Variants in ODF2 observed in about 807,000 individuals in gnomAD.
The protein encoded by ODF2 is outer dense fiber protein 2.
ODF2 carries 47 observed loss-of-function variants against 110.2 expected under a neutral mutation model. That is an observed-to-expected ratio of 0.43 (90% CI 0.34 to 0.54). ODF2 has a LOEUF of 0.54. Ranked by LOEUF, ODF2 falls within the 20% of genes least tolerant of loss-of-function variation. The probability of loss-of-function intolerance (pLI) is 0.03; values close to 1 mark genes in which losing one functional copy is unlikely to be tolerated. For missense variants in ODF2, 812 were observed against 1,054.5 expected (o/e 0.77, Z 3.19); for synonymous variants, 352 against 397.7 (o/e 0.89, Z 1.37).
At chr9:128,470,005 AAAAAAAAAAAAAAATATATAT>A (rs1462974012) in intron 5 of ODF2, among the ~76,000 whole-genome samples, 4 of 55,282 alleles carry the variant, frequency 7.2e-5, no homozygotes, top group East Asian at 1.6e-3. Flanking sequence ...AAAAAAAAAA[AAAAAAAAAAAAAAATATATAT>A]ATATATATAT....
chr9:128,485,361 C>G lies in ODF2; in HGVS notation c.1291-4C>G. The G allele has an allele frequency of 6.4e-7, 1 of 1,561,480 alleles. No individual in the cohort carries two copies. Among genetic ancestry groups the G allele is most frequent in the Middle Eastern group, 1.8e-4 (1 of 5,482 alleles). ...TAACAGGCCCTTTTGTCCCGTGTTC[C>G]CAGGATCTTTATGTCGCTGAAGCTT... On this transcript the variant is annotated splice_region_variant and splice_polypyrimidine_tract_variant and intron_variant, in intron 12 of 20. Transcript: ENST00000604420. The surrounding 1 kb of genome is among the most constrained non-coding windows in gnomAD (Gnocchi z 5.0).
intron 10 of ODF2, 59 bp from the exon 11 acceptor site, chr9:128,483,879 C>A: frequency 8.4e-7 from 1 of 1,186,936 alleles, no homozygotes. Flanking sequence ...GAGCAAGACT[C>A]CGTATGAAAA....
exon 8 of ODF2, chr9:128,473,657 G>A: frequency 6.2e-7 from 1 of 1,613,820 alleles, no homozygotes; most frequent in Non-Finnish European, 8.5e-7. Context: ...CAAGGCAGAA[G>A]GAACTTCTCC....
intron 12 of ODF2, 35 bp downstream of exon 12, chr9:128,484,921 C>T (rs1843083146): frequency 1.2e-6 from 2 of 1,602,970 alleles, no homozygotes; most frequent in African/African-American, 1.3e-5. Context: ...CCTCACCTGC[C>T]CTGAGGAGGG....
Position 128,498,932 on chromosome 9 carries a change from G to T in ODF2, c.2176-69G>T, listed in dbSNP as rs1173190137. 2.5e-6 allele frequency: 4 copies of T among 1,600,012 alleles called. No individual in the cohort carries two copies. The African/African-American group carries it at 5.4e-5, about 21-fold the overall frequency. On this transcript the variant is annotated intron_variant, in intron 19 of 20. Transcript: ENST00000604420. ...TCTGCAAGACCAGATAGTGGGCCCA[G>T]CCTTCTCTTTGCCAAGTGTTCCCCA...
At chr9:128,463,347 C>T (rs116147495) in intron 4 of ODF2, among the ~76,000 whole-genome samples, 191 of 151,796 alleles carry the variant, frequency 1.3e-3, no homozygotes, top group African/African-American at 3.2e-3. Flanking sequence ...GGCTGGTTGC[C>T]GTGGCTTATA....
intron 18 of ODF2, chr9:128,497,446 AATATATATATATATAT>A (rs71381765): frequency 2.6e-4 from 11 of 42,592 alleles, no homozygotes; most frequent in African/African-American, 6.0e-4. Context: ...AAAAAAAAAA[AATATATATATATATAT>A]ATATATATAT....
At chr9:128,461,879 C>G (rs1467686401) in intron 4 of ODF2, among the ~76,000 whole-genome samples, 1 of 152,180 alleles carries the variant, frequency 6.6e-6, no homozygotes, top group Non-Finnish European at 1.5e-5. Flanking sequence ...AAGGAGACTC[C>G]TTTCCCTTAG....
At chr9:128,468,890 G>A (rs117281581) in intron 4 of ODF2, 3,380 of 294,326 alleles carry the variant, frequency 0.011, 96 homozygotes, top group East Asian at 0.088. Flanking sequence ...TTGGCTTCCC[G>A]CCTCGGCCTC....
At chr9:128,470,779 C>A (rs1839795313) in intron 5 of ODF2, among the ~76,000 whole-genome samples, 1 of 152,138 alleles carries the variant, frequency 6.6e-6, no homozygotes, top group Non-Finnish European at 1.5e-5. Context: ...TACTGAGTTT[C>A]CTCATCTACA....
exon 9 of ODF2, chr9:128,481,607 G>A: frequency 6.2e-7 from 1 of 1,614,052 alleles, no homozygotes; most frequent in Non-Finnish European, 8.5e-7. Flanking sequence ...GGAGCAACAA[G>A]GAGCACTGCT....
intron 4 of ODF2, among the ~76,000 whole-genome samples, chr9:128,465,513 C>T (rs1186367671): frequency 6.6e-6 from 1 of 152,084 alleles, no homozygotes; most frequent in African/African-American, 2.4e-5. Flanking sequence ...GAGGCCAAGG[C>T]AGGCGGATCA....
chr9:128,496,247 C>G, intron 18 of ODF2, 106 bp downstream of exon 18: 1 of 1,558,586 alleles, frequency 6.4e-7, no homozygotes, highest in Non-Finnish European at 8.7e-7. Flanking sequence ...GACTCGAGGC[C>G]CTGGAAGGTA....
chr9:128,480,949 G>C (rs1271761543), intron 8 of ODF2, among the ~76,000 whole-genome samples: 1 of 152,016 alleles, frequency 6.6e-6, no homozygotes, highest in Non-Finnish European at 1.5e-5. Flanking sequence ...GCAAAATGCT[G>C]TTTCATTACA....
At chr9:128,497,423 TAAAAAAAAAA>T (rs1165078375) in intron 18 of ODF2, 11 of 10,342 alleles carry the variant, frequency 1.1e-3, no homozygotes, top group African/African-American at 3.1e-3. Flanking sequence ...CCGTCTCTAC[TAAAAAAAAAA>T]AAAAAAAAAA....
At chr9:128,456,776 G>A in intron 1 of ODF2, 2 of 774,642 alleles carry the variant, frequency 2.6e-6, no homozygotes, top group Non-Finnish European at 3.8e-6. Context: ...GGTCCCGCCC[G>A]CCCCCTCCCA....
chr9:128,474,691 G>A (rs1398774920), intron 8 of ODF2, among the ~76,000 whole-genome samples: 7 of 151,478 alleles, frequency 4.6e-5, no homozygotes, highest in Admixed American at 3.3e-4. Context: ...GGCCAGGTGC[G>A]GTGGCTCATG....
chr9:128,481,704 G>A (rs976074975), intron 9 of ODF2, 53 bp downstream of exon 9: 14 of 1,435,698 alleles, frequency 9.8e-6, no homozygotes, highest in African/African-American at 1.4e-5. Flanking sequence ...CAAGAGCGTC[G>A]TTCCACTACA....
At chr9:128,471,821 C>G (rs966393760) in intron 6 of ODF2, among the ~76,000 whole-genome samples, 1 of 151,968 alleles carries the variant, frequency 6.6e-6, no homozygotes, top group African/African-American at 2.4e-5. Context: ...ATGCGAAGGC[C>G]CCAAGGTGGG....
Sources: allele counts gnomAD v4.1 joint callset (sites outside exome capture counted in the v4.1 genomes callset), GRCh38; gene constraint gnomAD v4.1.1; non-coding constraint Gnocchi (gnomAD v3.1); transcripts MANE v1.5; gene names NCBI Gene and HGNC (gene_info 2026-07-23, HGNC 2026-07-21).